PRKCA: variants seen among roughly 807,000 people sequenced by gnomAD.
PRKCA encodes protein kinase C alpha type.
A neutral mutation model predicts 87.0 loss-of-function variants in PRKCA; 27 were observed. The observed-to-expected ratio is 0.31, with a 90% CI of 0.23 to 0.43. The LOEUF (loss-of-function observed/expected upper bound fraction) is 0.43. Among genes scored for constraint, PRKCA ranks in the 20% least tolerant of loss-of-function variants. PRKCA has a pLI of 1.00. For missense variants in PRKCA, 518 were observed against 852.3 expected (o/e 0.61, Z 4.88); for synonymous variants, 329 against 311.1 (o/e 1.06, Z -0.61).
At chr17:66,616,831 G>A (rs1333291777) in intron 3 of PRKCA, among the ~76,000 whole-genome samples, 5 of 152,046 alleles carry the variant, frequency 3.3e-5, no homozygotes, top group African/African-American at 1.2e-4. Context: ...GAGGCACAGA[G>A]GAGGGAGAGG....
rs998079407 is a variant in PRKCA at position 66,318,854 on chromosome 17, C to CA, written c.205+12738dup. ...TGGGTAACAGAGCAAGACTCGGTCTCAAAAAAAAAAAGACTTGCCGTGGTG... is the reference window on the plus strand; with the variant it reads ...TGGGTAACAGAGCAAGACTCGGTCTCAAAAAAAAAAAAGACTTGCCGTGGTG... On this transcript the variant is annotated intron_variant, in intron 2 of 16. Coordinates refer to ENST00000413366, the MANE Select transcript of PRKCA (RefSeq NM_002737.3). Among the ~76,000 whole-genome samples, 618 of 138,630 alleles carry CA rather than the reference C, an allele frequency of 4.5e-3. 4 individuals are homozygous for CA. Among genetic ancestry groups the CA allele is most frequent in the African/African-American group, 0.013 (495 of 37,584 alleles). 90.9% of individuals were successfully genotyped at this position (138,630 alleles called of 152,430 possible). A position where few individuals can be genotyped will look rare whatever the true frequency, so the allele number is the denominator to read the frequency against.
At chr17:66,790,435 C>G (rs1031589199) in intron 16 of PRKCA, among the ~76,000 whole-genome samples, 1 of 152,076 alleles carries the variant, frequency 6.6e-6, no homozygotes, top group Non-Finnish European at 1.5e-5. Flanking sequence ...GCTCCTGCCC[C>G]TCAACATACA....
intron 8 of PRKCA, among the ~76,000 whole-genome samples, chr17:66,712,711 C>G (rs943541116): frequency 2.6e-5 from 4 of 152,156 alleles, no homozygotes; most frequent in African/African-American, 4.8e-5. Flanking sequence ...GCCACACTGC[C>G]TGGGTTCAAG....
chr17:66,748,232 G>A lies in PRKCA; in HGVS notation c.1524+5472G>A, dbSNP rs146007892. 5.7e-3 allele frequency among the ~76,000 whole-genome samples: 875 copies of A among 152,276 alleles called. 12 individuals carry two copies. The highest frequency in any genetic ancestry group is 0.02 in the African/African-American group (818 of 41,564). On this transcript the variant is annotated intron_variant, in intron 13 of 16. Transcript: ENST00000413366. ...CTGGGGTCACAGCTTCTGCGTTCCC[G>A]CCCTACAGGAATGCCAGCCCACTGA...
In PRKCA at chr17:66,793,479, A is replaced by G. The variant is rs570131419; in HGVS notation, c.1854+4500A>G. Among the ~76,000 whole-genome samples, 5 of 151,564 alleles carry G rather than the reference A, an allele frequency of 3.3e-5. No homozygotes were observed. In the South Asian group the frequency reaches 1.0e-3, roughly 32 times the overall value. ...GTAGCACACACCTGTAATCCCAGCT[A>G]CTTGGGAGGCTGAGACAGGAGAATC... On this transcript the variant is annotated intron_variant, in intron 16 of 16. Coordinates refer to ENST00000413366, the MANE Select transcript of PRKCA (RefSeq NM_002737.3).
chr17:66,681,175 G>T (rs568687557), intron 5 of PRKCA, among the ~76,000 whole-genome samples: 5 of 152,214 alleles, frequency 3.3e-5, no homozygotes, highest in Non-Finnish European at 7.3e-5. Flanking sequence ...GTTGCAGTGA[G>T]CCAAGATTGC....
intron 3 of PRKCA, among the ~76,000 whole-genome samples, chr17:66,607,129 A>G (rs1029794544): frequency 6.6e-6 from 1 of 152,254 alleles, no homozygotes; most frequent in East Asian, 1.9e-4. Context: ...AAGTTTTTGC[A>G]GATTATTTCA....
intron 3 of PRKCA, among the ~76,000 whole-genome samples, chr17:66,624,962 A>C (rs1970808858): frequency 6.6e-6 from 1 of 152,200 alleles, no homozygotes; most frequent in Non-Finnish European, 1.5e-5. Flanking sequence ...TATATTGAAG[A>C]GTGTGGATAA....
At chr17:66,708,917 C>T (rs1282013039) in intron 8 of PRKCA, among the ~76,000 whole-genome samples, 1 of 152,078 alleles carries the variant, frequency 6.6e-6, no homozygotes, top group African/African-American at 2.4e-5. Flanking sequence ...ACAAAATGGC[C>T]TATTTTAGGA....
At chr17:66,541,628 C>T (rs1052324922) in intron 3 of PRKCA, among the ~76,000 whole-genome samples, 1 of 152,222 alleles carries the variant, frequency 6.6e-6, no homozygotes, top group Non-Finnish European at 1.5e-5. Flanking sequence ...GTCCAGTCCA[C>T]GCCTCATGGC....
At chr17:66,410,514 T>G (rs1911720859) in intron 2 of PRKCA, among the ~76,000 whole-genome samples, 1 of 152,214 alleles carries the variant, frequency 6.6e-6, no homozygotes, top group East Asian at 1.9e-4. Context: ...TATTTTTGGT[T>G]TCTGAGAGCA....
intron 5 of PRKCA, among the ~76,000 whole-genome samples, chr17:66,663,832 G>T (rs1373377207): frequency 6.6e-6 from 1 of 151,154 alleles, no homozygotes; most frequent in Non-Finnish European, 1.5e-5. Context: ...TCTCTTTGGA[G>T]TGTTTTTTGT....
intron 3 of PRKCA, among the ~76,000 whole-genome samples, chr17:66,620,652 G>A (rs1970651249): frequency 1.3e-5 from 2 of 152,188 alleles, no homozygotes; most frequent in Admixed American, 1.3e-4. Context: ...GGGAATTCAG[G>A]CCCAGGAAGT....
At chr17:66,347,078 A>G (rs1907425614) in intron 2 of PRKCA, among the ~76,000 whole-genome samples, 2 of 152,120 alleles carry the variant, frequency 1.3e-5, no homozygotes, top group Admixed American at 6.6e-5. Flanking sequence ...TTATTTACAT[A>G]GATTTTATCT....
chr17:66,317,500 T>C (rs1280164369), intron 2 of PRKCA, among the ~76,000 whole-genome samples: 1 of 152,226 alleles, frequency 6.6e-6, no homozygotes, highest in Non-Finnish European at 1.5e-5. Flanking sequence ...GACTGGTGAA[T>C]TGGGAAGCTG....
intron 5 of PRKCA, among the ~76,000 whole-genome samples, chr17:66,673,315 T>A (rs1275011275): frequency 3.3e-5 from 5 of 152,216 alleles, no homozygotes. Context: ...CCAACCTGTG[T>A]TTTCTGGTAC....
At chr17:66,328,766 C>G (rs12938407) in intron 2 of PRKCA, among the ~76,000 whole-genome samples, 54,022 of 151,990 alleles carry the variant, frequency 0.36, 9,926 homozygotes, top group Middle Eastern at 0.54. Context: ...CCACTGCACT[C>G]TAGCCTGGGT....
chr17:66,489,352 CATATATATATATATATATATATAT>C (rs10529618), intron 2 of PRKCA, among the ~76,000 whole-genome samples: 47 of 98,966 alleles, frequency 4.7e-4, no homozygotes, highest in South Asian at 3.1e-3. Context: ...CTTAGCAGTG[CATATATATATATATATATATATAT>C]ATATATATAT....
chr17:66,558,951 G>A (rs995575782), intron 3 of PRKCA, among the ~76,000 whole-genome samples: 4 of 152,128 alleles, frequency 2.6e-5, no homozygotes, highest in African/African-American at 9.7e-5. Context: ...AAAACGGATG[G>A]TCTAATGCAG....
Sources: allele counts gnomAD v4.1 joint callset (sites outside exome capture counted in the v4.1 genomes callset), GRCh38; gene constraint gnomAD v4.1.1; transcripts MANE v1.5; gene names NCBI Gene and HGNC (gene_info 2026-07-23, HGNC 2026-07-21).